Variants in GTF2IRD1 observed in about 807,000 individuals in gnomAD.
GTF2IRD1 encodes GTF2I repeat domain containing 1, also known as general transcription factor II-I repeat domain-containing protein 1.
Under a neutral mutation model 113.2 loss-of-function variants are expected in GTF2IRD1, and 26 were observed. The ratio of observed to expected loss-of-function variants is 0.23; its 90% CI spans 0.17 to 0.32. The LOEUF is 0.32. GTF2IRD1 is among the 10% of genes least tolerant of loss of function. GTF2IRD1 has a pLI of 1.00. For missense variants in GTF2IRD1, 864 were observed against 1,280.8 expected (o/e 0.67, Z 4.97); for synonymous variants, 484 against 529.1 (o/e 0.91, Z 1.17).
At chr7:74,536,089 ACAGACCTTTACC>A in intron 10 of GTF2IRD1, 66 bp from the exon 11 acceptor site, 1 of 920,252 alleles carries the variant, frequency 1.1e-6, no homozygotes, top group Non-Finnish European at 1.8e-6. Context: ...AGCTTCACAC[ACAGACCTTTACC>A]CAGGGGCTCT....
At chr7:74,527,800 C>T (rs936908529) in intron 8 of GTF2IRD1, among the ~76,000 whole-genome samples, 11 of 152,044 alleles carry the variant, frequency 7.2e-5, no homozygotes, top group African/African-American at 2.2e-4. Context: ...AAGATTGTGC[C>T]GCTGCACTCC....
intron 25 of GTF2IRD1, among the ~76,000 whole-genome samples, chr7:74,599,008 C>T (rs1206455276): frequency 5.3e-5 from 8 of 152,044 alleles, no homozygotes; most frequent in Admixed American, 1.3e-4. Context: ...AAGACCCTTC[C>T]GGTGGGCTGA....
intron 1 of GTF2IRD1, among the ~76,000 whole-genome samples, chr7:74,480,764 G>A (rs994682599): frequency 1.3e-5 from 2 of 152,234 alleles, no homozygotes; most frequent in Non-Finnish European, 2.9e-5. Context: ...GTCCCTCCGT[G>A]CCCGCCCCGG....
intron 14 of GTF2IRD1, among the ~76,000 whole-genome samples, chr7:74,542,335 G>C (rs193247690): frequency 1.4e-3 from 220 of 152,214 alleles, no homozygotes; most frequent in South Asian, 3.9e-3. Flanking sequence ...GGGAGGCGGA[G>C]TTTGCAGCCG....
chr7:74,571,855 T>G (rs587625261), intron 22 of GTF2IRD1, among the ~76,000 whole-genome samples: 1 of 151,636 alleles, frequency 6.6e-6, no homozygotes, highest in Non-Finnish European at 1.5e-5. Context: ...AGTGAGACCT[T>G]GTCTCAAAAA....
chr7:74,568,576 A>G (rs1402213761), intron 22 of GTF2IRD1, among the ~76,000 whole-genome samples: 2 of 152,022 alleles, frequency 1.3e-5, no homozygotes, highest in Non-Finnish European at 1.5e-5. Flanking sequence ...TGAACCCGGG[A>G]GGCGGAACTT....
intron 1 of GTF2IRD1, among the ~76,000 whole-genome samples, chr7:74,496,663 AGT>A (rs1313684729): frequency 4.0e-5 from 6 of 149,504 alleles, no homozygotes; most frequent in Non-Finnish European, 7.4e-5. Flanking sequence ...TGTGTGTGTG[AGT>A]GTGCATGCAT....
chr7:74,501,076 T>G (rs1365736092), intron 1 of GTF2IRD1, among the ~76,000 whole-genome samples: 1 of 152,134 alleles, frequency 6.6e-6, no homozygotes, highest in Non-Finnish European at 1.5e-5. Flanking sequence ...GTTCTAGCTG[T>G]CCTGTAGGGC....
In GTF2IRD1 at chr7:74,588,776, C is replaced by G. The variant is rs374044771; in HGVS notation, c.2321-1075C>G. ...CGAACTCCTGGCCTCAAGTAATCTG[C>G]CTGCCTCTGCCTCCCAAAGTGCTGG... On this transcript the variant is annotated intron_variant, in intron 22 of 26. Transcript: ENST00000424337. Among the ~76,000 whole-genome samples the G allele has an allele frequency of 2.0e-4, 30 of 152,306 alleles. No homozygotes were observed. The East Asian group carries it at 2.7e-3, about 14-fold the overall frequency.
At chr7:74,520,337 C>G (rs1281819999) in intron 6 of GTF2IRD1, among the ~76,000 whole-genome samples, 1 of 151,974 alleles carries the variant, frequency 6.6e-6, no homozygotes, top group African/African-American at 2.4e-5. Context: ...AGGTGAGGAG[C>G]ACCTGGATTC....
At chr7:74,552,283 T>C (rs1799357939) in intron 17 of GTF2IRD1, among the ~76,000 whole-genome samples, 1 of 151,520 alleles carries the variant, frequency 6.6e-6, no homozygotes, top group Admixed American at 6.6e-5. Flanking sequence ...TTTGTGGGGG[T>C]TGAGGAGGGT....
chr7:74,502,346 G>A (rs182366986), intron 1 of GTF2IRD1, among the ~76,000 whole-genome samples: 7 of 152,358 alleles, frequency 4.6e-5, no homozygotes, highest in Admixed American at 4.6e-4. Context: ...CTTCACTGGG[G>A]TAAATCGGTC....
At chr7:74,531,951 C>T (rs1257286888) in intron 9 of GTF2IRD1, among the ~76,000 whole-genome samples, 8 of 152,326 alleles carry the variant, frequency 5.3e-5, no homozygotes, top group Admixed American at 2.0e-4. Flanking sequence ...TAGAATCCCC[C>T]AGGGCTGTGG....
intron 1 of GTF2IRD1, among the ~76,000 whole-genome samples, chr7:74,467,413 TC>T (rs1160240494): frequency 6.6e-6 from 1 of 152,156 alleles, no homozygotes; most frequent in African/African-American, 2.4e-5. Flanking sequence ...TTGGAGCGTT[TC>T]CCTCCAGGAA....
At position 74,555,456 on chromosome 7, in the gene GTF2IRD1, C is replaced by T. The variant is rs782099626; in HGVS notation, c.1985C>T (p.Pro662Leu). ...MDSQERDSGD[P>L]LVDESLKRQG... ...CCCCCAGAGAGGGATTCCGGGGACC[C>T]TCTGGTGGACGAGAGCCTGAAGAGA... Residue 662 changes from proline to leucine, a missense_variant, in exon 19 of 27, where the codon CCT becomes CTT. Pro to Leu is a moderately conservative substitution (Grantham distance 98). Transcript: ENST00000424337. The surrounding 1 kb of genome is among the most constrained non-coding windows in gnomAD (Gnocchi z 5.3). The T allele has an allele frequency of 3.1e-6, 5 of 1,613,592 alleles. No individual in the cohort carries two copies. Among genetic ancestry groups the T allele is most frequent in the South Asian group, 1.1e-5 (1 of 91,070 alleles).
chr7:74,470,307 G>A (rs193167148), intron 1 of GTF2IRD1, among the ~76,000 whole-genome samples: 2 of 152,038 alleles, frequency 1.3e-5, no homozygotes, highest in African/African-American at 2.4e-5. Context: ...TTTAAAATAC[G>A]CTATGCAATA....
intron 22 of GTF2IRD1, among the ~76,000 whole-genome samples, chr7:74,568,715 A>G (rs1667513719): frequency 6.6e-6 from 1 of 152,192 alleles, no homozygotes; most frequent in Non-Finnish European, 1.5e-5. Flanking sequence ...CTGAATGCTC[A>G]TGCAAGCTCC....
rs191472919 is a variant in GTF2IRD1 at position 74,536,698 on chromosome 7, C to T, written c.1409+423C>T. Among the ~76,000 whole-genome samples, 453 of 151,960 alleles carry T rather than the reference C, an allele frequency of 3.0e-3. 1 individual carries two copies. Among genetic ancestry groups the T allele is most frequent in the Non-Finnish European group, 5.5e-3 (376 of 67,968 alleles). ...GTGCGCATGTGTAATCCCAGCTACT[C>T]GGGAGGCTGAGGCAAGAGAATGGCT... On this transcript the variant is annotated intron_variant, in intron 11 of 26. Coordinates refer to ENST00000424337, the MANE Select transcript of GTF2IRD1 (RefSeq NM_005685.4).
At chr7:74,515,361 C>T in intron 3 of GTF2IRD1, 80 bp from the exon 4 acceptor site, 2 of 1,541,480 alleles carry the variant, frequency 1.3e-6, no homozygotes, top group Non-Finnish European at 1.7e-6. Flanking sequence ...CAGCTCAGCA[C>T]AGGGCAGCGA....
Sources: gnomAD v4.1 joint callset for allele counts (sites outside exome capture counted in the v4.1 genomes callset) on GRCh38, gnomAD v4.1.1 for gene constraint, Gnocchi (gnomAD v3.1) non-coding constraint, MANE v1.5 for transcripts, NCBI Gene and HGNC (gene_info 2026-07-23, HGNC 2026-07-21) for gene names.